Variants in GSDME observed in about 807,000 individuals in gnomAD.
GSDME encodes the protein gasdermin-E.
A neutral mutation model predicts 47.5 loss-of-function variants in GSDME; 44 were observed. The ratio of observed to expected loss-of-function variants is 0.93; its 90% CI spans 0.73 to 1.19. GSDME has a LOEUF of 1.19. Ranked by LOEUF, GSDME falls within the 50% of genes most tolerant of loss-of-function variation. The pLI is 0.00. For missense variants in GSDME, 663 were observed against 604.2 expected, an observed-to-expected ratio of 1.10 and a Z score of -1.02; for synonymous variants, 258 against 252.8, an observed-to-expected ratio of 1.02 and a Z score of -0.20.
chr7:24,744,476 C>G lies in GSDME; in HGVS notation c.404+86G>C. 7.2e-7 allele frequency: 1 copy of G among 1,389,194 alleles called. No homozygotes were observed. The allele number at this position is 1,389,194 out of a possible 1,614,324, so 86.1% of individuals were successfully genotyped here. On this transcript the variant is annotated intron_variant, in intron 3 of 9. Transcript: ENST00000645220. The surrounding 1 kb of genome is among the most constrained non-coding windows in gnomAD (Gnocchi z 4.5). ...GTTTATTGATCGGCAGAGATCAAAT[C>G]TGTCGCCCTTTTAACAAAGGTCCAA... is the stretch of plus-strand genomic sequence containing the variant.
At chr7:24,734,593 A>T (rs1040238946) in intron 3 of GSDME, among the ~76,000 whole-genome samples, 1 of 152,240 alleles carries the variant, frequency 6.6e-6, no homozygotes, top group African/African-American at 2.4e-5. Context: ...TTTAACAGAG[A>T]TTGCAATAAT....
chr7:24,775,661 G>C, the GSDME span, among the ~76,000 whole-genome samples: 2 of 152,006 alleles, frequency 1.3e-5, no homozygotes, highest in Admixed American at 6.6e-5. Context: ...GATTGCTCGA[G>C]GTCAGGAGTT....
At chr7:24,701,856 T>C (rs1215774368) in intron 9 of GSDME, among the ~76,000 whole-genome samples, 2 of 152,214 alleles carry the variant, frequency 1.3e-5, no homozygotes, top group African/African-American at 4.8e-5. Flanking sequence ...TGCTGCATAG[T>C]CTTCTAATGT....
At chr7:24,718,557 A>T (rs1584069586) in intron 4 of GSDME, among the ~76,000 whole-genome samples, 1 of 152,290 alleles carries the variant, frequency 6.6e-6, no homozygotes, top group South Asian at 2.1e-4. Flanking sequence ...ATTTGGCCTG[A>T]TCAGTGCCTG....
At position 24,716,832 on chromosome 7, in the gene GSDME, G is replaced by C. The variant is rs991111003; in HGVS notation, c.697+422C>G. The C allele has an allele frequency of 7.1e-6, 2 of 280,760 alleles. No homozygotes were observed. Among genetic ancestry groups the C allele is most frequent in the Admixed American group, 9.2e-5 (2 of 21,836 alleles). 17.4% of individuals were successfully genotyped at this position (280,760 alleles called of 1,614,324 possible). On this transcript the variant is annotated intron_variant, in intron 5 of 9. Coordinates refer to ENST00000645220, the MANE Select transcript of GSDME (RefSeq NM_001127453.2). The surrounding 1 kb of genome is among the most constrained non-coding windows in gnomAD (Gnocchi z 4.5). ...TCTCATTAAATCTTCACACAGCCCT[G>C]TGAAGAAATGCCCTTCACCTTCCAG... is the stretch of plus-strand genomic sequence containing the variant.
In GSDME at chr7:24,732,253, T is replaced by C. The variant is rs1184543078; in HGVS notation, c.404+12309A>G. On this transcript the variant is annotated intron_variant, in intron 3 of 9. Transcript: ENST00000645220. This position sits in a 1 kb window ranked among gnomAD's most constrained non-coding sequence, Gnocchi z 4.8. ...GATTTTCAAACCCTCTGGTAGCCAT[T>C]GGGAAATTGATCAGGTAGGAAGGAA... Among the ~76,000 whole-genome samples the C allele has an allele frequency of 1.3e-5, 2 of 152,208 alleles. No homozygotes were observed. Among genetic ancestry groups the C allele is most frequent in the Non-Finnish European group, 2.9e-5 (2 of 68,024 alleles).
the GSDME span, among the ~76,000 whole-genome samples, chr7:24,777,024 CTG>C: frequency 6.6e-6 from 1 of 151,868 alleles, no homozygotes; most frequent in Admixed American, 6.5e-5. Context: ...GTTATATTCA[CTG>C]TATTATATTT....
the GSDME span, among the ~76,000 whole-genome samples, chr7:24,781,131 G>C: frequency 2.6e-4 from 40 of 152,248 alleles, no homozygotes; most frequent in African/African-American, 9.6e-4. Flanking sequence ...CTTCCTCTCT[G>C]GTCCCTTTCC....
chr7:24,775,874 C>CCAA, the GSDME span, among the ~76,000 whole-genome samples: 1 of 31,396 alleles, frequency 3.2e-5, no homozygotes, highest in Non-Finnish European at 5.3e-5. Flanking sequence ...GATTCCATCT[C>CCAA]AAAAAAAAAA....
At chr7:24,768,878 AAG>A in the GSDME span, among the ~76,000 whole-genome samples, 1 of 152,244 alleles carries the variant, frequency 6.6e-6, no homozygotes, top group Admixed American at 6.5e-5. The surrounding 1 kb of genome is among the most constrained non-coding windows in gnomAD (Gnocchi z 5.6). Flanking sequence ...AGTGAAGATA[AAG>A]AGAGAAAATT....
At position 24,700,234 on chromosome 7, in the gene GSDME, A is replaced by G. The variant is rs114931126; in HGVS notation, c.1258-975T>C. 5.3e-3 allele frequency among the ~76,000 whole-genome samples: 812 copies of G among 152,286 alleles called. 9 individuals carry two copies. The highest frequency in any genetic ancestry group is 0.018 in the African/African-American group (740 of 41,544). On this transcript the variant is annotated intron_variant, in intron 9 of 9. Coordinates refer to ENST00000645220, the MANE Select transcript of GSDME (RefSeq NM_001127453.2). ...CAGGGACCTTGTCTGCCGTGCCTAC[A>G]ACACAGACACTCAATGTGTTCTTCA...
chr7:24,758,457 T>TGG (rs1791108875), upstream of GSDME, among the ~76,000 whole-genome samples: 1 of 152,200 alleles, frequency 6.6e-6, no homozygotes, highest in Admixed American at 6.5e-5. This position sits in a 1 kb window ranked among gnomAD's most constrained non-coding sequence, Gnocchi z 4.6. Context: ...TACGAGCCCA[T>TGG]TGCTCAGTGA....
At chr7:24,718,853 T>C (rs1317223227) in intron 4 of GSDME, among the ~76,000 whole-genome samples, 194 bp downstream of exon 4, 1 of 152,206 alleles carries the variant, frequency 6.6e-6, no homozygotes, top group Non-Finnish European at 1.5e-5. Context: ...CAGCAGTGAC[T>C]GGAGCCAGTT....
At chr7:24,746,717 A>G (rs897060105) in intron 2 of GSDME, among the ~76,000 whole-genome samples, 3 of 152,074 alleles carry the variant, frequency 2.0e-5, no homozygotes, top group Non-Finnish European at 2.9e-5. Flanking sequence ...CTCTAGACAC[A>G]CCTCCGAAGA....
chr7:24,712,434 C>T lies in GSDME; in HGVS notation c.698-2046G>A, dbSNP rs749146746. ...TCTCACCTTCACCCATGCATAGCTC[C>T]CTGAGGGCGCCACCAATTAATTCCT... On this transcript the variant is annotated intron_variant, in intron 5 of 9. Transcript: ENST00000645220. The surrounding 1 kb of genome is among the most constrained non-coding windows in gnomAD (Gnocchi z 4.4). Among the ~76,000 whole-genome samples the T allele has an allele frequency of 2.6e-5, 4 of 152,214 alleles. No individual in the cohort carries two copies. Among genetic ancestry groups the T allele is most frequent in the Admixed American group, 6.5e-5 (1 of 15,282 alleles).
rs1790287527 is a variant in GSDME, at chr7:24,735,799, ATAAAT to A, written c.404+8758_404+8762del. On this transcript the variant is annotated intron_variant, in intron 3 of 9. Coordinates refer to ENST00000645220, the MANE Select transcript of GSDME (RefSeq NM_001127453.2). The surrounding 1 kb of genome is among the most constrained non-coding windows in gnomAD (Gnocchi z 4.4). ...AATAAATAAATAAATAAATAAATAA[ATAAAT>A]AAAACTACAAAAACTTTTCAAGACA... Among the ~76,000 whole-genome samples the A allele has an allele frequency of 6.6e-6, 1 of 151,092 alleles. No homozygotes were observed. Among genetic ancestry groups the A allele is most frequent in the African/African-American group, 2.4e-5 (1 of 41,288 alleles).
chr7:24,755,328 C>T (rs1464090901), intron 1 of GSDME, among the ~76,000 whole-genome samples: 1 of 152,184 alleles, frequency 6.6e-6, no homozygotes. Flanking sequence ...ATTAGCAGTC[C>T]TAATGAGTGA....
intron 1 of GSDME, among the ~76,000 whole-genome samples, chr7:24,755,406 C>G (rs879285412): frequency 1.3e-4 from 20 of 152,280 alleles, no homozygotes; most frequent in African/African-American, 2.4e-4. Context: ...ACGAGATTTA[C>G]GAGGATACTC....
intron 3 of GSDME, among the ~76,000 whole-genome samples, chr7:24,729,636 G>A (rs1233668030): frequency 6.6e-6 from 1 of 152,258 alleles, no homozygotes; most frequent in Non-Finnish European, 1.5e-5. Flanking sequence ...GTGCAGACAG[G>A]AGGAGTGAAC....
Sources: gnomAD v4.1 joint callset for allele counts (sites outside exome capture counted in the v4.1 genomes callset) on GRCh38, gnomAD v4.1.1 for gene constraint, Gnocchi (gnomAD v3.1) non-coding constraint, MANE v1.5 for transcripts, NCBI Gene and HGNC (gene_info 2026-07-23, HGNC 2026-07-21) for gene names.